B4GALT6: variants seen among roughly 807,000 people sequenced by gnomAD.
B4GALT6 encodes the protein UDP-Gal:beta-GlcNAc beta-1,4-galactosyltransferase 6.
B4GALT6 carries 14 observed loss-of-function variants against 46.3 expected under a neutral mutation model. The observed-to-expected ratio is 0.30, with a 90% CI of 0.20 to 0.47. The LOEUF is 0.47. Ranked by LOEUF, B4GALT6 falls within the 20% of genes least tolerant of loss-of-function variation. The pLI is 0.99. For missense variants in B4GALT6, 386 were observed against 480.1 expected (o/e 0.80, Z 1.83); for synonymous variants, 168 against 162.0 (o/e 1.04, Z -0.28).
chr18:31,626,207 C>G (rs2073694393), intron 8 of B4GALT6, 76 bp downstream of exon 8: 1 of 797,272 alleles, frequency 1.3e-6, no homozygotes, highest in Admixed American at 2.9e-5. Context: ...TTTTGGGGTT[C>G]AATGCATTTT....
chr18:31,662,774 G>C (rs553495483), intron 2 of B4GALT6, among the ~76,000 whole-genome samples: 3 of 152,102 alleles, frequency 2.0e-5, no homozygotes, highest in African/African-American at 7.2e-5. Context: ...CCAGGAGGCG[G>C]AGCTTGCAGT....
At chr18:31,674,104 A>C (rs147940040) in intron 1 of B4GALT6, among the ~76,000 whole-genome samples, 59 of 152,338 alleles carry the variant, frequency 3.9e-4, no homozygotes, top group African/African-American at 1.3e-3. Flanking sequence ...TGAGAAAATA[A>C]ACTTGATGTT....
At chr18:31,637,721 G>T (rs2073877154) in intron 5 of B4GALT6, among the ~76,000 whole-genome samples, 1 of 151,998 alleles carries the variant, frequency 6.6e-6, no homozygotes, top group Non-Finnish European at 1.5e-5. Flanking sequence ...GTTAAAAAAA[G>T]AAAAAAACTT....
intron 1 of B4GALT6, among the ~76,000 whole-genome samples, chr18:31,671,184 G>A (rs2074352381): frequency 6.6e-6 from 1 of 151,962 alleles, no homozygotes; most frequent in South Asian, 2.1e-4. Context: ...CTTTGCTATT[G>A]TGAACAGTGT....
the B4GALT6 span, among the ~76,000 whole-genome samples, chr18:31,719,410 C>T: frequency 1.3e-5 from 2 of 152,198 alleles, no homozygotes; most frequent in African/African-American, 4.8e-5. Flanking sequence ...TCAATGGACA[C>T]ATCTAGGCAA....
At chr18:31,668,837 T>C (rs371476268) in intron 1 of B4GALT6, among the ~76,000 whole-genome samples, 1 of 106,998 alleles carries the variant, frequency 9.3e-6, no homozygotes, top group Non-Finnish European at 2.2e-5. Context: ...CCGTCTCTAC[T>C]AAAAAAATAC....
the B4GALT6 span, among the ~76,000 whole-genome samples, chr18:31,706,492 G>T: frequency 6.6e-6 from 1 of 152,010 alleles, no homozygotes; most frequent in Non-Finnish European, 1.5e-5. Context: ...TTAGCTGGGC[G>T]TGGTGGTGGG....
At chr18:31,649,659 T>C (rs1339778259) in intron 3 of B4GALT6, among the ~76,000 whole-genome samples, 2 of 146,368 alleles carry the variant, frequency 1.4e-5, no homozygotes, top group Admixed American at 6.8e-5. Context: ...AAAAAAATGC[T>C]CCAAATCACA....
the B4GALT6 span, among the ~76,000 whole-genome samples, chr18:31,692,941 A>G: frequency 6.6e-6 from 1 of 152,144 alleles, no homozygotes; most frequent in Non-Finnish European, 1.5e-5. Flanking sequence ...TTCTATGGAG[A>G]TGTAATATAG....
chr18:31,645,263 A>G, intron 4 of B4GALT6, 92 bp downstream of exon 4: 1 of 1,518,580 alleles, frequency 6.6e-7, no homozygotes, highest in Non-Finnish European at 8.9e-7. Flanking sequence ...ATCAAGACTT[A>G]AAGACATTTG....
the B4GALT6 span, among the ~76,000 whole-genome samples, chr18:31,698,110 C>A: frequency 2.0e-5 from 3 of 152,200 alleles, no homozygotes; most frequent in Non-Finnish European, 4.4e-5. Flanking sequence ...CCATTCTCTG[C>A]CTGTCTTTTG....
At chr18:31,688,796 AAAGG>A (rs2030014949), upstream of B4GALT6, among the ~76,000 whole-genome samples, 1 of 152,208 alleles carries the variant, frequency 6.6e-6, no homozygotes, top group Admixed American at 6.5e-5. Flanking sequence ...CACACAGTAT[AAAGG>A]TAGCAGAGCT....
chr18:31,680,007 C>T (rs2074461761), intron 1 of B4GALT6, among the ~76,000 whole-genome samples: 1 of 152,188 alleles, frequency 6.6e-6, no homozygotes, highest in Non-Finnish European at 1.5e-5. Flanking sequence ...GACTGCATCG[C>T]TTTCAAGACT....
intron 1 of B4GALT6, among the ~76,000 whole-genome samples, chr18:31,677,206 T>C (rs2074424397): frequency 6.6e-6 from 1 of 152,206 alleles, no homozygotes; most frequent in Non-Finnish European, 1.5e-5. Context: ...AGATTTGAAA[T>C]TACTAAGTAT....
chr18:31,684,111 CA>C (rs1209988582), intron 1 of B4GALT6, among the ~76,000 whole-genome samples, 200 bp downstream of exon 1: 3 of 152,196 alleles, frequency 2.0e-5, no homozygotes, highest in Admixed American at 2.0e-4. Context: ...CATGCATTAA[CA>C]AAATGCATGC....
chr18:31,689,433 A>C (rs1456942416), upstream of B4GALT6, among the ~76,000 whole-genome samples: 2 of 152,168 alleles, frequency 1.3e-5, no homozygotes, highest in Non-Finnish European at 2.9e-5. Context: ...ATGATACTTA[A>C]GCATTCACCA....
At chr18:31,679,880 T>G (rs989093826) in intron 1 of B4GALT6, among the ~76,000 whole-genome samples, 2 of 152,204 alleles carry the variant, frequency 1.3e-5, no homozygotes, top group South Asian at 2.1e-4. Flanking sequence ...AAACCTACTA[T>G]TCCCATCCAT....
rs114075538 is a variant in B4GALT6 at position 31,631,054 on chromosome 18, G to A, written c.681C>T (p.His227=). 9.1e-5 allele frequency: 147 copies of A among 1,614,094 alleles called. No individual in the cohort carries two copies. The African/African-American group carries it at 1.4e-3, about 16-fold the overall frequency. The change falls in exon 6 of 9, where the codon CAC becomes CAT. Residue 227 remains histidine (H), a synonymous_variant. Transcript: ENST00000306851. ...CATTTTCAGGTAGATGATCCACATC[G>A]TGGAAGATTACACAGTCCCAGACAC... ...KDSVWDCVIF[H]DVDHLPENDR...
chr18:31,697,667 G>T, the B4GALT6 span, among the ~76,000 whole-genome samples: 1 of 152,124 alleles, frequency 6.6e-6, no homozygotes, highest in South Asian at 2.1e-4. Context: ...GCAGAAGAAA[G>T]AAAAAGCAGT....
Sources: allele counts gnomAD v4.1 joint callset (sites outside exome capture counted in the v4.1 genomes callset), GRCh38; gene constraint gnomAD v4.1.1; transcripts MANE v1.5; gene names NCBI Gene and HGNC (gene_info 2026-07-23, HGNC 2026-07-21).